GPC5: variants seen among roughly 807,000 people sequenced by gnomAD.
The protein encoded by GPC5 is glypican-5.
GPC5 carries 47 observed loss-of-function variants against 53.9 expected under a neutral mutation model. That is an observed-to-expected ratio of 0.87 (90% CI 0.69 to 1.11). GPC5 has a LOEUF of 1.11. Ranked by LOEUF, GPC5 falls within the 50% of genes most tolerant of loss-of-function variation. The probability of loss-of-function intolerance (pLI) is 0.00; values close to 1 mark genes in which losing one functional copy is unlikely to be tolerated. For synonymous variants in GPC5, 286 were observed against 263.3 expected, an observed-to-expected ratio of 1.09 and a Z score of -0.84; for missense variants, 748 against 713.1, an observed-to-expected ratio of 1.05 and a Z score of -0.56.
At chr13:92,464,815 TGCTC>T (rs1056361501) in intron 7 of GPC5, among the ~76,000 whole-genome samples, 1 of 151,956 alleles carries the variant, frequency 6.6e-6, no homozygotes, top group African/African-American at 2.4e-5. Context: ...CCAAATTTCT[TGCTC>T]AACATTATTA....
At chr13:91,977,957 AAGAAAG>A (rs2040320855) in intron 6 of GPC5, among the ~76,000 whole-genome samples, 1 of 30,334 alleles carries the variant, frequency 3.3e-5, no homozygotes, top group South Asian at 1.6e-3. Context: ...TAAAAGAAAA[AAGAAAG>A]AAAGAAAGAA....
At chr13:92,631,389 T>C (rs1885234148) in intron 7 of GPC5, among the ~76,000 whole-genome samples, 2 of 152,096 alleles carry the variant, frequency 1.3e-5, no homozygotes, top group South Asian at 2.1e-4. Flanking sequence ...GGGAACAAAA[T>C]TTAAAACATG....
chr13:92,179,848 ACAT>A (rs2139033926), intron 7 of GPC5, among the ~76,000 whole-genome samples: 1 of 152,348 alleles, frequency 6.6e-6, no homozygotes, highest in Admixed American at 6.5e-5. Context: ...ATAACATTTG[ACAT>A]CATAAAAGGA....
At chr13:92,347,558 C>T (rs1374408673) in intron 7 of GPC5, among the ~76,000 whole-genome samples, 7 of 151,542 alleles carry the variant, frequency 4.6e-5, no homozygotes, top group Admixed American at 4.6e-4. Context: ...TAAGCTGAAA[C>T]AAAAAGCTAC....
At chr13:92,406,451 A>C (rs1240069071) in intron 7 of GPC5, among the ~76,000 whole-genome samples, 1 of 152,160 alleles carries the variant, frequency 6.6e-6, no homozygotes, top group Non-Finnish European at 1.5e-5. Flanking sequence ...ATATACGTGG[A>C]GCTATATCAA....
intron 2 of GPC5, among the ~76,000 whole-genome samples, chr13:91,482,601 G>C (rs1467742992): frequency 6.6e-6 from 1 of 152,190 alleles, no homozygotes; most frequent in Non-Finnish European, 1.5e-5. Flanking sequence ...AAGATCCTCA[G>C]GTGAATTGTG....
At chr13:92,581,034 T>C (rs1458841125) in intron 7 of GPC5, among the ~76,000 whole-genome samples, 1 of 152,192 alleles carries the variant, frequency 6.6e-6, no homozygotes, top group Admixed American at 6.5e-5. Context: ...TCAAACCATA[T>C]AACATATATC....
At chr13:91,750,449 G>A (rs916188914) in intron 4 of GPC5, among the ~76,000 whole-genome samples, 2 of 152,028 alleles carry the variant, frequency 1.3e-5, no homozygotes, top group East Asian at 3.9e-4. Flanking sequence ...TAATTTTAAC[G>A]GCAAATATTC....
chr13:92,639,595 A>G (rs949019547), intron 7 of GPC5, among the ~76,000 whole-genome samples: 1 of 152,190 alleles, frequency 6.6e-6, no homozygotes, highest in South Asian at 2.1e-4. Flanking sequence ...TAATAAGATA[A>G]TCTATATAGT....
chr13:92,064,191 C>T (rs1246152887), intron 6 of GPC5, among the ~76,000 whole-genome samples: 1 of 152,166 alleles, frequency 6.6e-6, no homozygotes, highest in East Asian at 1.9e-4. Context: ...CCAAAAGTTT[C>T]ACTGATGCCA....
intron 7 of GPC5, among the ~76,000 whole-genome samples, chr13:92,823,726 G>C (rs1226355515): frequency 6.6e-6 from 1 of 152,008 alleles, no homozygotes; most frequent in Non-Finnish European, 1.5e-5. Context: ...ACTCAACACT[G>C]AATTATAGTA....
chr13:92,121,522 C>A (rs1310527193), intron 6 of GPC5, among the ~76,000 whole-genome samples: 2 of 152,140 alleles, frequency 1.3e-5, no homozygotes, highest in Non-Finnish European at 2.9e-5. Flanking sequence ...GCAATAGATG[C>A]GATAGGGAGA....
At chr13:91,566,179 C>A (rs991207951) in intron 2 of GPC5, among the ~76,000 whole-genome samples, 3 of 152,074 alleles carry the variant, frequency 2.0e-5, no homozygotes, top group African/African-American at 2.4e-5. Flanking sequence ...TCTACTACAG[C>A]CTCAAAATGT....
chr13:91,662,036 T>C (rs372601901), intron 2 of GPC5, among the ~76,000 whole-genome samples: 11 of 152,104 alleles, frequency 7.2e-5, no homozygotes, highest in African/African-American at 2.2e-4. Flanking sequence ...AGATACACAA[T>C]TGGGAGTCAT....
chr13:92,703,870 C>A (rs1887850687), intron 7 of GPC5, among the ~76,000 whole-genome samples: 1 of 151,834 alleles, frequency 6.6e-6, no homozygotes, highest in African/African-American at 2.4e-5. Flanking sequence ...AAATTTTACA[C>A]ACATGGGAAT....
intron 2 of GPC5, among the ~76,000 whole-genome samples, chr13:91,543,047 AG>A (rs574379442): frequency 2.0e-4 from 30 of 151,894 alleles, no homozygotes; most frequent in Admixed American, 6.6e-4. Flanking sequence ...TAGTAGAGAC[AG>A]GGTTTCACCG....
chr13:92,246,437 C>T (rs2042651470), intron 7 of GPC5, among the ~76,000 whole-genome samples: 1 of 151,998 alleles, frequency 6.6e-6, no homozygotes, highest in Non-Finnish European at 1.5e-5. Flanking sequence ...GCTGTTTGTC[C>T]TTGTCTGTTC....
chr13:91,599,230 T>C (rs1359794867), intron 2 of GPC5, among the ~76,000 whole-genome samples: 1 of 152,186 alleles, frequency 6.6e-6, no homozygotes, highest in Non-Finnish European at 1.5e-5. Flanking sequence ...TAATCTGTGA[T>C]GGAACTTGTT....
chr13:92,724,893 C>CACACACACACAT (rs1327121157), intron 7 of GPC5, among the ~76,000 whole-genome samples: 3 of 149,018 alleles, frequency 2.0e-5, no homozygotes, highest in Non-Finnish European at 4.5e-5. Context: ...CACACACACA[C>CACACACACACAT]ACACACACAC....
Sources: gnomAD v4.1 joint callset for allele counts (sites outside exome capture counted in the v4.1 genomes callset) on GRCh38, gnomAD v4.1.1 for gene constraint, MANE v1.5 for transcripts, NCBI Gene and HGNC (gene_info 2026-07-23, HGNC 2026-07-21) for gene names.